Variants in IL1RAPL1 observed in about 807,000 individuals in gnomAD.
IL1RAPL1 encodes interleukin 1 receptor accessory protein like 1.
A neutral mutation model predicts 48.4 loss-of-function variants in IL1RAPL1; 3 were observed. The observed-to-expected ratio is 0.06, with a 90% confidence interval of 0.03 to 0.16. IL1RAPL1 has a LOEUF of 0.16. Among genes scored for constraint, IL1RAPL1 ranks in the 10% least tolerant of loss-of-function variants. The probability of loss-of-function intolerance (pLI) is 1.00; values close to 1 mark genes in which losing one functional copy is unlikely to be tolerated. For missense variants in IL1RAPL1, 349 were observed against 530.6 expected (o/e 0.66, Z 3.36); for synonymous variants, 185 against 187.7 (o/e 0.99, Z 0.12).
intron 3 of IL1RAPL1, among the ~76,000 whole-genome samples, chrX:29,385,840 A>G (rs1193065794): frequency 1.8e-5 from 2 of 111,336 alleles, no homozygotes; most frequent in Non-Finnish European, 3.8e-5. Context: ...CCTTTTTTCA[A>G]TTATTTTGTG....
At chrX:28,723,757 C>A in intron 1 of IL1RAPL1, among the ~76,000 whole-genome samples, 1 of 111,515 alleles carries the variant, frequency 9.0e-6, no homozygotes, top group Non-Finnish European at 1.9e-5. Flanking sequence ...CTCTACACAC[C>A]GCTTTAAATG....
intron 2 of IL1RAPL1, among the ~76,000 whole-genome samples, chrX:29,270,723 C>T (rs1932028843): frequency 8.9e-6 from 1 of 112,154 alleles, no homozygotes; most frequent in Admixed American, 9.4e-5. Flanking sequence ...CATAAGACTT[C>T]ACGCTTTGTT....
chrX:28,647,290 A>T (rs1251012207), intron 1 of IL1RAPL1, among the ~76,000 whole-genome samples: 1 of 112,052 alleles, frequency 8.9e-6, no homozygotes, highest in Non-Finnish European at 1.9e-5. Flanking sequence ...TGCAAAATAT[A>T]TTCCAAATCT....
intron 1 of IL1RAPL1, among the ~76,000 whole-genome samples, chrX:28,688,860 T>C (rs1381184487): frequency 9.0e-6 from 1 of 111,161 alleles, no homozygotes; most frequent in Non-Finnish European, 1.9e-5. Context: ...AACTTTGGAT[T>C]TTCAGAGGCA....
At chrX:28,643,234 T>C (rs1381983475) in intron 1 of IL1RAPL1, among the ~76,000 whole-genome samples, 1 of 111,357 alleles carries the variant, frequency 9.0e-6, no homozygotes, top group Non-Finnish European at 1.9e-5. Flanking sequence ...CTCATAGCAT[T>C]GGCAAATTAA....
chrX:29,898,909 A>G (rs1288548856), intron 6 of IL1RAPL1, among the ~76,000 whole-genome samples: 1 of 112,248 alleles, frequency 8.9e-6, no homozygotes. Context: ...GTAGGAAAGC[A>G]GTAAAGCTAT....
intron 1 of IL1RAPL1, among the ~76,000 whole-genome samples, chrX:28,679,573 A>G (rs1255915302): frequency 1.8e-5 from 2 of 111,515 alleles, no homozygotes; most frequent in African/African-American, 6.5e-5. Flanking sequence ...GTTTTCTTTT[A>G]ATAGTTATAA....
At chrX:28,592,064 G>A (rs1250201948) in intron 1 of IL1RAPL1, among the ~76,000 whole-genome samples, 1 of 111,427 alleles carries the variant, frequency 9.0e-6, no homozygotes, top group Non-Finnish European at 1.9e-5. Context: ...ATACTGTTCA[G>A]TGATTAACCA....
intron 1 of IL1RAPL1, among the ~76,000 whole-genome samples, chrX:28,717,648 A>G (rs773940809): frequency 2.6e-4 from 29 of 111,787 alleles, no homozygotes; most frequent in Admixed American, 1.7e-3. Flanking sequence ...TGAACTTAAA[A>G]TAAAAGAATA....
chrX:28,639,367 A>C (rs959281774), intron 1 of IL1RAPL1, among the ~76,000 whole-genome samples: 20 of 112,038 alleles, frequency 1.8e-4, no homozygotes, highest in African/African-American at 5.5e-4. Flanking sequence ...CCTTTCACAA[A>C]TGTTGTTTCC....
At chrX:29,549,765 A>T (rs1355537553) in intron 5 of IL1RAPL1, among the ~76,000 whole-genome samples, 1 of 112,269 alleles carries the variant, frequency 8.9e-6, no homozygotes, top group Non-Finnish European at 1.9e-5. Flanking sequence ...AATTTTAAAT[A>T]AGTTGGGATG....
intron 5 of IL1RAPL1, among the ~76,000 whole-genome samples, chrX:29,448,739 T>A (rs1351875491): frequency 9.0e-6 from 1 of 111,380 alleles, no homozygotes; most frequent in Admixed American, 9.5e-5. Flanking sequence ...CTAGGGCTGC[T>A]CCACAACAAT....
chrX:29,548,742 T>C (rs1044316636), intron 5 of IL1RAPL1, among the ~76,000 whole-genome samples: 2 of 111,740 alleles, frequency 1.8e-5, no homozygotes, highest in African/African-American at 6.5e-5. Flanking sequence ...TTAAAGCAAG[T>C]CAACAAAATA....
At chrX:28,598,365 G>A (rs1430115730) in intron 1 of IL1RAPL1, among the ~76,000 whole-genome samples, 1 of 111,928 alleles carries the variant, frequency 8.9e-6, no homozygotes, top group Non-Finnish European at 1.9e-5. Flanking sequence ...TGGAAGAAAA[G>A]AAACCAGTAG....
chrX:29,199,297 A>G (rs1228989814), intron 2 of IL1RAPL1, among the ~76,000 whole-genome samples: 6 of 111,266 alleles, frequency 5.4e-5, no homozygotes, highest in African/African-American at 2.0e-4. Flanking sequence ...CACCCAAATG[A>G]TAAGTGGTTT....
intron 1 of IL1RAPL1, among the ~76,000 whole-genome samples, chrX:28,698,055 T>A (rs1935254612): frequency 9.0e-6 from 1 of 111,467 alleles, no homozygotes; most frequent in South Asian, 3.7e-4. Flanking sequence ...AGTTATCTTC[T>A]GCCAAAACAA....
chrX:29,933,064 G>A (rs1033235215), intron 8 of IL1RAPL1, among the ~76,000 whole-genome samples: 1 of 111,574 alleles, frequency 9.0e-6, no homozygotes, highest in East Asian at 2.8e-4. Flanking sequence ...ATTGTCATTA[G>A]CTTTGTGAAT....
chrX:29,601,975 T>C (rs1371826155), intron 5 of IL1RAPL1, among the ~76,000 whole-genome samples: 1 of 112,111 alleles, frequency 8.9e-6, no homozygotes, highest in Non-Finnish European at 1.9e-5. Context: ...GTTTGTTTTT[T>C]TGTTTGTTTG....
At chrX:29,430,795 A>G (rs988537711) in intron 5 of IL1RAPL1, among the ~76,000 whole-genome samples, 2 of 110,254 alleles carry the variant, frequency 1.8e-5, no homozygotes, top group African/African-American at 6.6e-5. Flanking sequence ...CTTGTAATAA[A>G]ATAATTAAAA....
Sources: gnomAD v4.1 joint callset for allele counts (sites outside exome capture counted in the v4.1 genomes callset) on GRCh38, gnomAD v4.1.1 for gene constraint, MANE v1.5 for transcripts, NCBI Gene and HGNC (gene_info 2026-07-23, HGNC 2026-07-21) for gene names.